Variants in RPS6KA5 observed in about 807,000 individuals in gnomAD.
RPS6KA5 encodes ribosomal protein S6 kinase A5, also known as ribosomal protein S6 kinase alpha-5.
In RPS6KA5, 27 loss-of-function variants were observed where a neutral mutation model predicts 85.5. The ratio of observed to expected loss-of-function variants is 0.32; its 90% CI spans 0.23 to 0.44. The LOEUF is 0.44. RPS6KA5 is among the 20% of genes least tolerant of loss of function. RPS6KA5 has a pLI of 1.00. For missense variants in RPS6KA5, 811 were observed against 980.9 expected (o/e 0.83, Z 2.31); for synonymous variants, 334 against 348.2 (o/e 0.96, Z 0.46).
rs2043631279 is a variant in RPS6KA5, at chr14:91,060,578, C to G, written c.-144G>C. On this transcript the variant is annotated 5_prime_UTR_variant, in exon 1 of 17. Coordinates refer to ENST00000614987, the MANE Select transcript of RPS6KA5 (RefSeq NM_004755.4). The stretch of plus-strand genomic sequence containing the variant: ...CTCGGACGCAAAGACGAGTCTCTTT[C>G]CCGCTCTGGCCGCACGGCTCGCTCC... 2 of 1,092,204 alleles carry G rather than the reference C, an allele frequency of 1.8e-6. No homozygotes were observed. Among genetic ancestry groups the G allele is most frequent in the Non-Finnish European group, 1.2e-6 (1 of 857,928 alleles). The allele number at this position is 1,092,204 out of a possible 1,614,324, so 67.7% of individuals were successfully genotyped here. A position where few individuals can be genotyped will look rare whatever the true frequency, so the allele number is the denominator to read the frequency against.
intron 2 of RPS6KA5, among the ~76,000 whole-genome samples, chr14:90,990,514 T>A (rs894780525): frequency 1.3e-5 from 2 of 152,038 alleles, no homozygotes; most frequent in African/African-American, 4.8e-5. Flanking sequence ...AACCCAGAAA[T>A]CCCATTACTG....
intron 6 of RPS6KA5, 50 bp from the exon 7 acceptor site, chr14:90,920,359 T>C: frequency 1.6e-6 from 2 of 1,258,172 alleles, no homozygotes; most frequent in East Asian, 4.9e-5. Context: ...CTAAAATATT[T>C]TATAAGAAAG....
rs147928620 is a variant in RPS6KA5, at chr14:90,875,445, G to A, written c.1837-85C>T. ...TAATCCTAATAGTAACGTAACTGGT[G>A]TAATTTACCAATTGCTACAACTAGC... On this transcript the variant is annotated intron_variant, in intron 14 of 16. Coordinates refer to ENST00000614987, the MANE Select transcript of RPS6KA5 (RefSeq NM_004755.4). The A allele has an allele frequency of 9.8e-6, 12 of 1,219,556 alleles. No individual in the cohort carries two copies. The African/African-American group carries it at 1.1e-4, about 11-fold the overall frequency. The allele number at this position is 1,219,556 out of a possible 1,614,324, so 75.5% of individuals were successfully genotyped here.
intron 2 of RPS6KA5, among the ~76,000 whole-genome samples, chr14:90,983,234 G>A (rs1342573700): frequency 2.7e-5 from 4 of 147,332 alleles, no homozygotes; most frequent in African/African-American, 1.0e-4. Flanking sequence ...CCAAGGTCGC[G>A]CCATTTCACT....
At chr14:90,957,359 C>T (rs541510027) in intron 3 of RPS6KA5, among the ~76,000 whole-genome samples, 2 of 152,344 alleles carry the variant, frequency 1.3e-5, no homozygotes, top group East Asian at 3.9e-4. Context: ...GCCACTGCAC[C>T]TAGCCTGTTT....
chr14:90,923,570 T>C (rs61987398), intron 5 of RPS6KA5, among the ~76,000 whole-genome samples: 7,824 of 152,276 alleles, frequency 0.051, 308 homozygotes, highest in Non-Finnish European at 0.08. Flanking sequence ...ATAGTCCTAG[T>C]AAGGCAACAT....
intron 1 of RPS6KA5, among the ~76,000 whole-genome samples, chr14:91,044,698 C>T (rs557562214): frequency 1.3e-5 from 2 of 152,026 alleles, no homozygotes; most frequent in East Asian, 3.9e-4. Context: ...TGGTGAAACC[C>T]CGTCTGTACT....
At chr14:91,000,937 A>G (rs907716483) in intron 2 of RPS6KA5, 151 bp downstream of exon 2, 2 of 485,148 alleles carry the variant, frequency 4.1e-6, no homozygotes, top group Admixed American at 4.0e-5. Context: ...TTGTGCTTCT[A>G]TGAATGGTCT....
chr14:91,051,797 TA>T (rs963199560), intron 1 of RPS6KA5, among the ~76,000 whole-genome samples: 15 of 146,124 alleles, frequency 1.0e-4, no homozygotes, highest in African/African-American at 1.0e-4. Context: ...CCGAAAGATT[TA>T]AAAAAAAAAG....
intron 14 of RPS6KA5, among the ~76,000 whole-genome samples, chr14:90,889,777 A>G (rs2034451304): frequency 6.6e-6 from 1 of 152,220 alleles, no homozygotes; most frequent in Non-Finnish European, 1.5e-5. Context: ...AAAAGCCTAC[A>G]TATCTAAAGG....
At chr14:90,954,127 T>C (rs960672238) in intron 3 of RPS6KA5, among the ~76,000 whole-genome samples, 3 of 152,370 alleles carry the variant, frequency 2.0e-5, no homozygotes, top group African/African-American at 4.8e-5. Flanking sequence ...TTCCTCTCTT[T>C]GTTCTCTTTC....
intron 13 of RPS6KA5, among the ~76,000 whole-genome samples, chr14:90,893,137 A>T (rs1271725753): frequency 6.6e-6 from 1 of 152,224 alleles, no homozygotes; most frequent in Admixed American, 6.5e-5. Flanking sequence ...AGATCTTTTC[A>T]ATTAAAAAAA....
At chr14:90,980,303 C>T (rs1359539601) in intron 2 of RPS6KA5, among the ~76,000 whole-genome samples, 1 of 152,208 alleles carries the variant, frequency 6.6e-6, no homozygotes, top group Non-Finnish European at 1.5e-5. Flanking sequence ...CTTACATACA[C>T]ATGGCACTTA....
At chr14:90,972,147 T>C (rs1182784796) in intron 3 of RPS6KA5, among the ~76,000 whole-genome samples, 2 of 152,200 alleles carry the variant, frequency 1.3e-5, no homozygotes, top group African/African-American at 4.8e-5. Flanking sequence ...TGAATTGGAA[T>C]AACCAATATC....
intron 1 of RPS6KA5, among the ~76,000 whole-genome samples, chr14:91,020,065 A>G (rs1007611914): frequency 2.6e-5 from 4 of 152,214 alleles, no homozygotes; most frequent in Non-Finnish European, 5.9e-5. Flanking sequence ...GTCTAATTAA[A>G]CACATCTAAA....
At chr14:90,909,824 GCT>G (rs1041126855) in intron 7 of RPS6KA5, among the ~76,000 whole-genome samples, 153 of 152,184 alleles carry the variant, frequency 1.0e-3, no homozygotes, top group African/African-American at 3.6e-3. Flanking sequence ...ATGGATTCTC[GCT>G]CTGTTGCCAG....
intron 1 of RPS6KA5, among the ~76,000 whole-genome samples, chr14:91,034,748 A>G (rs2042331255): frequency 6.6e-6 from 1 of 152,198 alleles, no homozygotes; most frequent in Non-Finnish European, 1.5e-5. Flanking sequence ...TTGGGTATGC[A>G]CCACCTTTAA....
rs145807411 is a variant in RPS6KA5, at chr14:90,907,478, A to G, written c.807-1179T>C. Among the ~76,000 whole-genome samples, 49 of 152,370 alleles carry G rather than the reference A, an allele frequency of 3.2e-4. 1 individual carries two copies. Among genetic ancestry groups the G allele is most frequent in the African/African-American group, 1.0e-3 (43 of 41,588 alleles). On this transcript the variant is annotated intron_variant, in intron 7 of 16. Coordinates refer to ENST00000614987, the MANE Select transcript of RPS6KA5 (RefSeq NM_004755.4). ...GTGCTTAACATAGTACCTAGCGCAT[A>G]GCAAATGCTCAATCAATGTGAGCTA...
At chr14:91,053,823 G>A (rs1340578584) in intron 1 of RPS6KA5, among the ~76,000 whole-genome samples, 2 of 152,142 alleles carry the variant, frequency 1.3e-5, no homozygotes, top group East Asian at 3.8e-4. Flanking sequence ...CCACTGAGTT[G>A]GCTTCTTTGC....
Sources: gnomAD v4.1 joint callset for allele counts (sites outside exome capture counted in the v4.1 genomes callset) on GRCh38, gnomAD v4.1.1 for gene constraint, MANE v1.5 for transcripts, NCBI Gene and HGNC (gene_info 2026-07-23, HGNC 2026-07-21) for gene names.